MAPK10: variants seen among roughly 807,000 people sequenced by gnomAD.
MAPK10 encodes the protein JNK3 alpha protein kinase.
MAPK10 carries 25 observed loss-of-function variants against 59.3 expected under a neutral mutation model. The ratio of observed to expected loss-of-function variants is 0.42; its 90% confidence interval spans 0.31 to 0.59. The LOEUF is 0.59. Among genes scored for constraint, MAPK10 ranks in the 20% least tolerant of loss-of-function variants. MAPK10 has a pLI of 0.15. For synonymous variants in MAPK10, 190 were observed against 200.5 expected (o/e 0.95, Z 0.44); for missense variants, 351 against 568.9 (o/e 0.62, Z 3.90).
intron 4 of MAPK10, among the ~76,000 whole-genome samples, chr4:86,153,394 G>T (rs372202370): frequency 1.3e-5 from 2 of 152,080 alleles, no homozygotes; most frequent in South Asian, 4.1e-4. Context: ...TTTACTACAG[G>T]GATGTAAGTT....
intron 1 of MAPK10, among the ~76,000 whole-genome samples, chr4:86,576,142 C>T (rs1177352081): frequency 2.6e-5 from 4 of 151,758 alleles, no homozygotes; most frequent in African/African-American, 9.7e-5. Context: ...AAGGTACAAG[C>T]CATCATGCCC....
In MAPK10 at chr4:86,321,164, G is replaced by A. The variant is rs1230436992; in HGVS notation, c.-7+33366C>T. On this transcript the variant is annotated intron_variant, in intron 2 of 13. Coordinates refer to ENST00000641462, the MANE Select transcript of MAPK10 (RefSeq NM_138982.4). ...ACTGTAAACTAGTTCAACCATTGTG[G>A]AAGTCAGTGTGGCGATTCCTCAAGG... 2.6e-5 allele frequency among the ~76,000 whole-genome samples: 4 copies of A among 152,022 alleles called. No individual in the cohort carries two copies. The East Asian group carries it at 5.8e-4, about 22-fold the overall frequency.
upstream of MAPK10, among the ~76,000 whole-genome samples, chr4:86,457,643 C>T (rs4693770): frequency 0.86 from 130,416 of 152,192 alleles, 56,078 homozygotes; most frequent in Non-Finnish European, 0.89. Context: ...AAAACGTTGC[C>T]GAAAGAAATC....
chr4:86,532,199 G>T (rs914280407), intron 1 of MAPK10, among the ~76,000 whole-genome samples: 3 of 151,582 alleles, frequency 2.0e-5, no homozygotes, highest in Non-Finnish European at 2.9e-5. Flanking sequence ...GAGGAATAAA[G>T]AATTTAAGAC....
intron 1 of MAPK10, among the ~76,000 whole-genome samples, chr4:86,567,516 G>A (rs530149995): frequency 6.6e-6 from 1 of 152,240 alleles, no homozygotes; most frequent in South Asian, 2.1e-4. Context: ...CACCACACCT[G>A]GCTGAAAATT....
chr4:86,324,921 TA>T (rs1287339817), intron 2 of MAPK10, among the ~76,000 whole-genome samples: 1 of 152,192 alleles, frequency 6.6e-6, no homozygotes, highest in African/African-American at 2.4e-5. Context: ...TCCATTTCAA[TA>T]TTTTTTTTAG....
chr4:86,511,776 A>T (rs1264028878), intron 1 of MAPK10, among the ~76,000 whole-genome samples: 1 of 149,402 alleles, frequency 6.7e-6, no homozygotes, highest in Admixed American at 6.7e-5. Flanking sequence ...AAGAGAAAGA[A>T]GGAGAAGGAG....
chr4:86,589,883 C>G (rs573862816), intron 1 of MAPK10, among the ~76,000 whole-genome samples: 6 of 151,136 alleles, frequency 4.0e-5, no homozygotes, highest in South Asian at 2.1e-4. Context: ...ACTCGGGAGG[C>G]TGAGGCAGGA....
At chr4:86,251,681 G>A (rs1393681766) in intron 2 of MAPK10, among the ~76,000 whole-genome samples, 4 of 130,762 alleles carry the variant, frequency 3.1e-5, no homozygotes, top group African/African-American at 6.6e-5. Context: ...AGTCATTTGG[G>A]TATATACCCA....
rs145346378 is a variant in MAPK10 at position 86,336,953 on chromosome 4, C to T, written c.-7+17577G>A. ...CTACAGGCGCCCGCCACCGCGCCTG[C>T]TAATTTTTTGTATTTTTAGTAGTGA... On this transcript the variant is annotated intron_variant, in intron 2 of 13. Transcript: ENST00000641462. Among the ~76,000 whole-genome samples the T allele has an allele frequency of 9.9e-3, 1,504 of 151,922 alleles. 16 individuals are homozygous for T. The highest frequency in any genetic ancestry group is 0.034 in the African/African-American group (1,422 of 41,468).
intron 1 of MAPK10, among the ~76,000 whole-genome samples, chr4:86,478,779 T>C (rs1306320484): frequency 1.3e-5 from 2 of 152,218 alleles, no homozygotes; most frequent in Admixed American, 6.5e-5. Context: ...GGTTTATTGA[T>C]GGCAGTTCCA....
chr4:86,159,524 G>A (rs1715210100), intron 3 of MAPK10, 57 bp from the exon 4 acceptor site: 8 of 1,412,932 alleles, frequency 5.7e-6, no homozygotes, highest in Middle Eastern at 1.8e-4. Flanking sequence ...GAATGATAAT[G>A]AGATGTACAG....
At chr4:86,476,349 C>A (rs1337685780) in intron 1 of MAPK10, among the ~76,000 whole-genome samples, 1 of 152,178 alleles carries the variant, frequency 6.6e-6, no homozygotes, top group Non-Finnish European at 1.5e-5. Flanking sequence ...TGTGACTAGC[C>A]TTCCCCCACC....
chr4:86,293,175 A>T (rs2095273000), intron 2 of MAPK10, among the ~76,000 whole-genome samples: 1 of 152,252 alleles, frequency 6.6e-6, no homozygotes, highest in South Asian at 2.1e-4. Flanking sequence ...GTATAAAAAA[A>T]TTAATGTTCC....
intron 11 of MAPK10, among the ~76,000 whole-genome samples, chr4:86,049,692 T>G (rs1462307890): frequency 6.6e-6 from 1 of 152,124 alleles, no homozygotes; most frequent in Non-Finnish European, 1.5e-5. Flanking sequence ...GACAGGACAT[T>G]TCATGGGTAA....
At chr4:86,498,607 C>T (rs1286258860) in intron 1 of MAPK10, among the ~76,000 whole-genome samples, 3 of 152,144 alleles carry the variant, frequency 2.0e-5, no homozygotes, top group Non-Finnish European at 4.4e-5. Flanking sequence ...AAACAAAATA[C>T]TAAAAATTTT....
intron 1 of MAPK10, among the ~76,000 whole-genome samples, chr4:86,393,388 T>C (rs1209497637): frequency 1.3e-5 from 2 of 152,092 alleles, no homozygotes; most frequent in Non-Finnish European, 2.9e-5. Context: ...AAAAGTCTAT[T>C]AAAGAATCAA....
At chr4:86,312,828 G>T (rs2095696903) in intron 2 of MAPK10, among the ~76,000 whole-genome samples, 1 of 152,084 alleles carries the variant, frequency 6.6e-6, no homozygotes, top group Admixed American at 6.6e-5. Flanking sequence ...TGGAGAAACA[G>T]TATTGGATTG....
intron 1 of MAPK10, among the ~76,000 whole-genome samples, chr4:86,520,870 T>C (rs1315998638): frequency 6.6e-6 from 1 of 152,104 alleles, no homozygotes; most frequent in Non-Finnish European, 1.5e-5. Context: ...ACTGCAGTGA[T>C]TGTTATTGCC....
Sources: allele counts gnomAD v4.1 joint callset (sites outside exome capture counted in the v4.1 genomes callset), GRCh38; gene constraint gnomAD v4.1.1; transcripts MANE v1.5; gene names NCBI Gene and HGNC (gene_info 2026-07-23, HGNC 2026-07-21).